CABP4: variants seen among roughly 807,000 people sequenced by gnomAD.
CABP4 encodes calcium binding protein 4.
CABP4 carries 30 observed loss-of-function variants against 30.7 expected under a neutral mutation model. The ratio of observed to expected loss-of-function variants is 0.98; its 90% confidence interval spans 0.73 to 1.33. The LOEUF is 1.33. CABP4 is among the 40% of genes most tolerant of loss of function. CABP4 has a pLI of 0.00. For synonymous variants in CABP4, 161 were observed against 159.2 expected (o/e 1.01, Z -0.08); for missense variants, 424 against 395.5 (o/e 1.07, Z -0.61).
In CABP4 at chr11:67,455,698, C is replaced by T; in HGVS notation, c.275C>T (p.Ser92Phe). Residue 92 changes from serine to phenylalanine, a missense_variant, in exon 1 of 6, where the codon TCT becomes TTT. Transcript: ENST00000325656. ...GAPPASPGPA[S>F]SRQSHRHRPD... ...CCCCCTGCATCCCCTGGGCCGGCCT[C>T]TTCTCGCCAGTCCCACCGACATCGT... The T allele has an allele frequency of 1.9e-6, 3 of 1,608,192 alleles. No homozygotes were observed. Among genetic ancestry groups the T allele is most frequent in the Non-Finnish European group, 2.5e-6 (3 of 1,178,506 alleles).
chr11:67,458,678 C>G lies in CABP4; in HGVS notation c.*19C>G. ...CCACTGAGGCTCCAGGAGGGAATAT[C>G]TGTTGCCCCTGCGGCCCCAGACACC... On this transcript the variant is annotated 3_prime_UTR_variant, in exon 6 of 6. Coordinates refer to ENST00000325656, the MANE Select transcript of CABP4 (RefSeq NM_145200.5). 1.9e-6 allele frequency: 3 copies of G among 1,613,822 alleles called. No individual in the cohort carries two copies. Among genetic ancestry groups the G allele is most frequent in the Non-Finnish European group, 2.5e-6 (3 of 1,180,002 alleles).
chr11:67,458,506 G>C lies in CABP4; in HGVS notation c.787G>C (p.Val263Leu), dbSNP rs146738494. The change falls in exon 5 of 6, where the codon GTA becomes CTA. Residue 263 changes from valine to leucine, a missense_variant. By Grantham distance (32) the Val-to-Leu change is conservative (BLOSUM62 1). Coordinates refer to ENST00000325656, the MANE Select transcript of CABP4 (RefSeq NM_145200.5). Reference protein sequence around the residue: ...REVDLNGDGTVDFDEFVMMLS... With the variant: ...REVDLNGDGTLDFDEFVMMLS... The stretch of plus-strand genomic sequence containing the variant: ...AGTGGACCTCAATGGGGATGGCACC[G>C]TAGACTTTGACGGTGAGTCTCCTTC... The C allele has an allele frequency of 1.9e-6, 3 of 1,613,986 alleles. No homozygotes were observed. Among genetic ancestry groups the C allele is most frequent in the Non-Finnish European group, 2.5e-6 (3 of 1,180,014 alleles).
At chr11:67,457,487 G>A in intron 3 of CABP4, 86 bp from the exon 4 acceptor site, 1 of 1,130,678 alleles carries the variant, frequency 8.8e-7, no homozygotes, top group Non-Finnish European at 1.3e-6. Flanking sequence ...GAGCCTGGGG[G>A]TGGGGGTGCC....
Position 67,455,604 on chromosome 11 carries a change from C to T in CABP4, c.181C>T (p.Gln61Ter), listed in dbSNP as rs1469081828. The T allele has an allele frequency of 1.2e-6, 2 of 1,606,564 alleles. No homozygotes were observed. Among genetic ancestry groups the T allele is most frequent in the Non-Finnish European group, 1.7e-6 (2 of 1,177,814 alleles). ...AAAGCGCACTGGCAGCTCTGGGGAG[C>T]AGACAGGCCCCGAGGCCCCGGGGAG... Reference protein sequence around the residue: ...SRKRTGSSGEQTGPEAPGSSN... With the variant: ...SRKRTGSSGE The change falls in exon 1 of 6, where the codon CAG (glutamine) becomes TAG (stop). Residue 61 changes from glutamine to a stop codon, truncating the protein, a stop_gained. Coordinates refer to ENST00000325656, the MANE Select transcript of CABP4 (RefSeq NM_145200.5). LOFTEE classifies it high-confidence loss of function.
At chr11:67,453,131 C>T, upstream of CABP4, 1 of 169,794 alleles carries the variant, frequency 5.9e-6, no homozygotes, top group Non-Finnish European at 1.3e-5. Flanking sequence ...CTCAGCCTCC[C>T]TAGTAGCTGG....
Position 67,458,360 on chromosome 11 carries a change from G to A in CABP4, c.652-11G>A, listed in dbSNP as rs117175952. ...TTGGGTGGGAGGGGCTGAGCTTTGCGGGGACCTTAGTTTGACAGGGACAGG... is the reference window on the plus strand; with the variant it reads ...TTGGGTGGGAGGGGCTGAGCTTTGCAGGGACCTTAGTTTGACAGGGACAGG... On this transcript the variant is annotated splice_polypyrimidine_tract_variant and intron_variant, in intron 4 of 5. Transcript: ENST00000325656. The A allele has an allele frequency of 7.6e-4, 1,224 of 1,600,434 alleles. 8 individuals carry two copies. The East Asian group carries it at 0.013, about 17-fold the overall frequency.
chr11:67,454,941 A>G (rs1864706238), upstream of CABP4, among the ~76,000 whole-genome samples: 1 of 152,128 alleles, frequency 6.6e-6, no homozygotes, highest in African/African-American at 2.4e-5. Flanking sequence ...CCACTCGCTC[A>G]TCCTTTCCCA....
chr11:67,455,846 C>T (rs1460193903), intron 1 of CABP4, 57 bp downstream of exon 1: 39 of 1,535,538 alleles, frequency 2.5e-5, no homozygotes, highest in Middle Eastern at 3.4e-4. Context: ...GAGACACACC[C>T]CTTGGGCTCA....
At position 67,460,984 on chromosome 11, in the gene CABP4, C is replaced by CG. The variant is rs796540356; in HGVS notation, c.*2327dup. On this transcript the variant is annotated 3_prime_UTR_variant, in exon 6 of 6. Coordinates refer to ENST00000325656, the MANE Select transcript of CABP4 (RefSeq NM_145200.5). The stretch of plus-strand genomic sequence containing the variant: ...TGGGCTACAGAGCGAGACTCCGTCT[C>CG]GGAAAAAAAAAAAAAAAAAGGTCAC... 8.7e-6 allele frequency among the ~76,000 whole-genome samples: 1 copy of CG among 114,734 alleles called. No individual in the cohort carries two copies. The highest frequency in any genetic ancestry group is 2.7e-4 in the East Asian group (1 of 3,744). The allele number at this position is 114,734 out of a possible 152,430, so 75.3% of individuals were successfully genotyped here. A position where few individuals can be genotyped will look rare whatever the true frequency, so the allele number is the denominator to read the frequency against.
intron 4 of CABP4, among the ~76,000 whole-genome samples, 188 bp from the exon 5 acceptor site, chr11:67,458,183 C>G (rs574397750): frequency 6.6e-6 from 1 of 152,248 alleles, no homozygotes; most frequent in African/African-American, 2.4e-5. Flanking sequence ...CACTTGAACC[C>G]TGGAGGCGAA....
At chr11:67,454,875 A>G (rs749186096), upstream of CABP4, among the ~76,000 whole-genome samples, 1 of 151,878 alleles carries the variant, frequency 6.6e-6, no homozygotes. Context: ...CTCTTCCTCC[A>G]TTTCACACAC....
chr11:67,458,431 C>T lies in CABP4; in HGVS notation c.712C>T (p.Leu238=). 6.2e-7 allele frequency: 1 copy of T among 1,613,900 alleles called. No homozygotes were observed. The highest frequency in any genetic ancestry group is 8.5e-7 in the Non-Finnish European group (1 of 1,179,946). Reference sequence around the variant, plus strand: ...GGAGCTGCGGGAGGCGGTACCGGCTCTGCTCGGGGAGCCGCTGGCGGGTCC... The same window carrying T: ...GGAGCTGCGGGAGGCGGTACCGGCTTTGCTCGGGGAGCCGCTGGCGGGTCC... ...VAELREAVPA[L]LGEPLAGPEL... Residue 238 remains leucine, a synonymous_variant, in exon 5 of 6, where the codon CTG becomes TTG. Transcript: ENST00000325656.
Position 67,456,335 on chromosome 11 carries a change from G to A in CABP4, c.434G>A (p.Arg145His), listed in dbSNP as rs754884992. The change falls in exon 3 of 6, where the codon CGT becomes CAT. Residue 145 changes from arginine to histidine, a missense_variant. Coordinates refer to ENST00000325656, the MANE Select transcript of CABP4 (RefSeq NM_145200.5). ...QAAFEEFDTDRDGYISHRELG... is the reference protein window; with the variant it reads ...QAAFEEFDTDHDGYISHRELG... The stretch of plus-strand genomic sequence containing the variant: ...GCCTTCGAGGAGTTTGACACTGACC[G>A]TGACGGCTACATCAGCCACCGGGAG... 1.1e-5 allele frequency: 18 copies of A among 1,613,670 alleles called. No individual in the cohort carries two copies. In the East Asian group the frequency reaches 1.3e-4, roughly 12 times the overall value.
chr11:67,454,223 C>G (rs1234901376), upstream of CABP4, among the ~76,000 whole-genome samples: 3 of 152,168 alleles, frequency 2.0e-5, no homozygotes, highest in African/African-American at 7.2e-5. Context: ...CCCACCTCGC[C>G]CTTCCCCGCT....
chr11:67,461,542 A>G lies in CABP4; in HGVS notation c.*2883A>G, dbSNP rs1320618848. ...TTATAAATAACTGGAGAGAAAAGTC[A>G]GATTCACGGTGTTCTGTCAAAGTGT... On this transcript the variant is annotated 3_prime_UTR_variant, in exon 6 of 6. Coordinates refer to ENST00000325656, the MANE Select transcript of CABP4 (RefSeq NM_145200.5). Among the ~76,000 whole-genome samples the G allele has an allele frequency of 2.0e-5, 3 of 152,246 alleles. No homozygotes were observed. Among genetic ancestry groups the G allele is most frequent in the African/African-American group, 7.2e-5 (3 of 41,466 alleles).
chr11:67,453,020 T>TC (rs2135163189), upstream of CABP4: 1 of 290,902 alleles, frequency 3.4e-6, no homozygotes, highest in Admixed American at 4.8e-5. Context: ...TTCTTTTCTT[T>TC]TTTTTTTTTT....
Position 67,461,593 on chromosome 11 carries a change from T to C in CABP4, c.*2934T>C, listed in dbSNP as rs1865016930. 1 of 152,220 alleles carries C rather than the reference T, an allele frequency of 6.6e-6. No individual in the cohort carries two copies. The highest frequency in any genetic ancestry group is 2.4e-5 in the African/African-American group (1 of 41,464). The allele number at this position is 152,220 out of a possible 1,614,324, so 9.4% of individuals were successfully genotyped here. A position where few individuals can be genotyped will look rare whatever the true frequency, so the allele number is the denominator to read the frequency against. On this transcript the variant is annotated 3_prime_UTR_variant, in exon 6 of 6. Transcript: ENST00000325656. The stretch of plus-strand genomic sequence containing the variant: ...TCATGTAGACTAAGGGTGGGGAAAC[T>C]TTCTGTAAAGGGCTGGAGAATAATT...
intron 1 of CABP4, 68 bp from the exon 2 acceptor site, chr11:67,456,120 G>C (rs780895019): frequency 9.3e-6 from 15 of 1,612,680 alleles, no homozygotes; most frequent in Non-Finnish European, 1.2e-5. Context: ...ACATGAGCAG[G>C]GGATGAAGGA....
chr11:67,452,464 C>T, upstream of CABP4: 1 of 1,612,156 alleles, frequency 6.2e-7, no homozygotes, highest in Non-Finnish European at 8.5e-7. Flanking sequence ...TCTCTAGGAT[C>T]TGGAAGGCCG....
Sources: gnomAD v4.1 joint callset for allele counts (sites outside exome capture counted in the v4.1 genomes callset) on GRCh38, gnomAD v4.1.1 for gene constraint, MANE v1.5 for transcripts, NCBI Gene and HGNC (gene_info 2026-07-23, HGNC 2026-07-21) for gene names.